The following NTNG1 variants were observed in gnomAD, a reference collection of about 807,000 sequenced individuals.
The protein encoded by NTNG1 is netrin-G1.
NTNG1 carries 16 observed loss-of-function variants against 54.0 expected under a neutral mutation model. That is an observed-to-expected ratio of 0.30 (90% CI 0.20 to 0.45). The LOEUF is 0.45. NTNG1 is among the 20% of genes least tolerant of loss of function. NTNG1 has a pLI of 1.00. For synonymous variants in NTNG1, 255 were observed against 263.1 expected (o/e 0.97, Z 0.30); for missense variants, 530 against 678.7 (o/e 0.78, Z 2.43).
chr1:107,451,151 G>C (rs1676601421), intron 7 of NTNG1, among the ~76,000 whole-genome samples: 1 of 149,876 alleles, frequency 6.7e-6, no homozygotes, highest in Non-Finnish European at 1.5e-5. Flanking sequence ...CTTTCCACGG[G>C]GTTATTTGGC....
chr1:107,287,203 C>T (rs920883005), intron 2 of NTNG1, among the ~76,000 whole-genome samples: 2 of 152,034 alleles, frequency 1.3e-5, no homozygotes, highest in African/African-American at 4.8e-5. Flanking sequence ...TATGGCTTTA[C>T]ATAAAGCATT....
At chr1:107,241,903 C>T (rs1223949295) in intron 2 of NTNG1, among the ~76,000 whole-genome samples, 1 of 152,106 alleles carries the variant, frequency 6.6e-6, no homozygotes, top group Non-Finnish European at 1.5e-5. Flanking sequence ...GAGTTGTGAC[C>T]TCCTGCATCA....
At chr1:107,140,217 A>G (rs147336854), upstream of NTNG1, 568 of 152,868 alleles carry the variant, frequency 3.7e-3, 2 homozygotes, top group Middle Eastern at 0.01. Flanking sequence ...AAGGTTTGCT[A>G]TCCTTCCACT....
chr1:107,238,548 A>T (rs1466906961), intron 2 of NTNG1, among the ~76,000 whole-genome samples: 1 of 152,120 alleles, frequency 6.6e-6, no homozygotes, highest in South Asian at 2.1e-4. Context: ...TCTCATTTTG[A>T]TTTCCCACAT....
chr1:107,215,429 A>T (rs1456033143), intron 2 of NTNG1, among the ~76,000 whole-genome samples: 2 of 152,180 alleles, frequency 1.3e-5, no homozygotes, highest in Non-Finnish European at 2.9e-5. Context: ...CTTGTCAAAG[A>T]TCAGTTGACT....
intron 2 of NTNG1, among the ~76,000 whole-genome samples, chr1:107,295,456 C>T (rs1467226315): frequency 1.3e-5 from 2 of 152,156 alleles, no homozygotes; most frequent in African/African-American, 2.4e-5. Context: ...AGCTGCATTT[C>T]ATGGCTTATG....
Position 107,332,872 on chromosome 1 carries a change from C to G in NTNG1, c.887+7950C>G, listed in dbSNP as rs1465945597. Among the ~76,000 whole-genome samples, 3 of 151,978 alleles carry G rather than the reference C, an allele frequency of 2.0e-5. No individual in the cohort carries two copies. The East Asian group carries it at 5.8e-4, about 29-fold the overall frequency. Reference sequence around the variant, plus strand: ...AAAAACTCATGGTTACTATTTCTACCTCCCTTTTATAGGTAGGAAAACTAC... The same window carrying G: ...AAAAACTCATGGTTACTATTTCTACGTCCCTTTTATAGGTAGGAAAACTAC... On this transcript the variant is annotated intron_variant, in intron 3 of 7. Coordinates refer to ENST00000370068, the MANE Select transcript of NTNG1 (RefSeq NM_001113226.3).
At chr1:107,293,529 T>C (rs1665754229) in intron 2 of NTNG1, among the ~76,000 whole-genome samples, 1 of 152,200 alleles carries the variant, frequency 6.6e-6, no homozygotes. Flanking sequence ...GTTTATACAA[T>C]GTTCCCAATG....
chr1:107,480,545 A>C lies in NTNG1; in HGVS notation c.1391-66A>C, dbSNP rs1426942095. On this transcript the variant is annotated intron_variant, in intron 7 of 7. Coordinates refer to ENST00000370068, the MANE Select transcript of NTNG1 (RefSeq NM_001113226.3). ...GGCTGAAAACATGATGTACCAGATGAACTTCAATTGATTCTGCTTCTCCTC... is the reference window on the plus strand; with the variant it reads ...GGCTGAAAACATGATGTACCAGATGCACTTCAATTGATTCTGCTTCTCCTC... 7.5e-6 allele frequency: 7 copies of C among 937,714 alleles called. No individual in the cohort carries two copies. In the African/African-American group the frequency reaches 1.1e-4, roughly 15 times the overall value. 58.1% of individuals were successfully genotyped at this position (937,714 alleles called of 1,614,324 possible).
chr1:107,377,091 G>T (rs1165152887), intron 3 of NTNG1, among the ~76,000 whole-genome samples: 1 of 152,240 alleles, frequency 6.6e-6, no homozygotes, highest in Non-Finnish European at 1.5e-5. Flanking sequence ...CATGGGGCCA[G>T]TTGAGCTGCT....
At chr1:107,160,838 C>G (rs1655347387) in intron 2 of NTNG1, among the ~76,000 whole-genome samples, 1 of 151,974 alleles carries the variant, frequency 6.6e-6, no homozygotes, top group African/African-American at 2.4e-5. Context: ...TAGTTTTTTC[C>G]TAACTTTTAT....
chr1:107,164,186 G>A (rs1655604186), intron 2 of NTNG1, among the ~76,000 whole-genome samples: 1 of 152,188 alleles, frequency 6.6e-6, no homozygotes, highest in Non-Finnish European at 1.5e-5. Flanking sequence ...TTTGTACTGT[G>A]GCTTGAGGAG....
chr1:107,471,282 G>A (rs1355284988), intron 7 of NTNG1, among the ~76,000 whole-genome samples: 1 of 152,184 alleles, frequency 6.6e-6, no homozygotes, highest in Non-Finnish European at 1.5e-5. Context: ...CTGAAACCAA[G>A]TAGGTCGGAT....
At chr1:107,403,395 T>C (rs1673171522) in intron 4 of NTNG1, among the ~76,000 whole-genome samples, 1 of 152,058 alleles carries the variant, frequency 6.6e-6, no homozygotes, top group Non-Finnish European at 1.5e-5. Context: ...ATAGTACTAA[T>C]TGCAGAAACT....
At chr1:107,397,816 CCAATTCT>C in intron 4 of NTNG1, among the ~76,000 whole-genome samples, 1 of 151,860 alleles carries the variant, frequency 6.6e-6, no homozygotes, top group Non-Finnish European at 1.5e-5. Context: ...ATTATCGACT[CCAATTCT>C]TATGTGCTAA....
chr1:107,179,524 C>G (rs1656912089), intron 2 of NTNG1, among the ~76,000 whole-genome samples: 1 of 151,866 alleles, frequency 6.6e-6, no homozygotes, highest in Admixed American at 6.6e-5. Flanking sequence ...TGTTTTCTCT[C>G]AAAATATTTC....
chr1:107,370,553 C>T (rs1222505204), intron 3 of NTNG1, among the ~76,000 whole-genome samples: 3 of 151,800 alleles, frequency 2.0e-5, no homozygotes, highest in Non-Finnish European at 4.4e-5. Context: ...TTGTATCATT[C>T]TTAGGCCTTT....
intron 7 of NTNG1, among the ~76,000 whole-genome samples, chr1:107,444,183 A>G (rs1462950113): frequency 6.6e-6 from 1 of 152,132 alleles, no homozygotes; most frequent in African/African-American, 2.4e-5. Flanking sequence ...TCTTGCTAAT[A>G]GCCATTGCAT....
At chr1:107,371,192 T>C (rs1670901705) in intron 3 of NTNG1, among the ~76,000 whole-genome samples, 1 of 152,114 alleles carries the variant, frequency 6.6e-6, no homozygotes, top group Non-Finnish European at 1.5e-5. Flanking sequence ...TTTTGCTAAA[T>C]GTTTTTTGTG....
Sources: gnomAD v4.1 joint callset for allele counts (sites outside exome capture counted in the v4.1 genomes callset) on GRCh38, gnomAD v4.1.1 for gene constraint, MANE v1.5 for transcripts, NCBI Gene and HGNC (gene_info 2026-07-23, HGNC 2026-07-21) for gene names.